The following USP15 variants were observed in gnomAD, a reference collection of about 807,000 sequenced individuals.
The protein encoded by USP15 is ubiquitin specific peptidase 15.
Under a neutral mutation model 127.1 loss-of-function variants are expected in USP15, and 18 were observed. That is an observed-to-expected ratio of 0.14 (90% confidence interval 0.10 to 0.21). The LOEUF (loss-of-function observed/expected upper bound fraction) is 0.21, where lower values mean the gene tolerates loss of function less well. Ranked by LOEUF, USP15 falls within the 10% of genes least tolerant of loss-of-function variation. The pLI is 1.00. For synonymous variants in USP15, 364 were observed against 393.7 expected (o/e 0.92, Z 0.89); for missense variants, 805 against 1,159.9 (o/e 0.69, Z 4.44).
At chr12:62,323,537 TA>T (rs2065044949) in intron 5 of USP15, among the ~76,000 whole-genome samples, 1 of 152,210 alleles carries the variant, frequency 6.6e-6, no homozygotes, top group Non-Finnish European at 1.5e-5. Context: ...GTATTACAGT[TA>T]AAAGGGAAAT....
intron 21 of USP15, among the ~76,000 whole-genome samples, chr12:62,403,986 C>A (rs775073513): frequency 1.3e-5 from 2 of 151,988 alleles, no homozygotes; most frequent in African/African-American, 2.4e-5. Context: ...AATTTAGAAG[C>A]ACATAAAAAT....
intron 2 of USP15, among the ~76,000 whole-genome samples, chr12:62,295,449 C>CA (rs2064101896): frequency 6.6e-6 from 1 of 152,118 alleles, no homozygotes; most frequent in South Asian, 2.1e-4. Context: ...TATAAGAATA[C>CA]AAAAATATCC....
intron 2 of USP15, among the ~76,000 whole-genome samples, chr12:62,299,487 A>G (rs1437745864): frequency 2.0e-5 from 3 of 152,204 alleles, no homozygotes; most frequent in Non-Finnish European, 4.4e-5. Context: ...ATGTTGTTGC[A>G]TGAATCAGTA....
chr12:62,366,504 A>C (rs560945685), intron 8 of USP15, among the ~76,000 whole-genome samples: 98 of 152,296 alleles, frequency 6.4e-4, no homozygotes, highest in Middle Eastern at 3.4e-3. Flanking sequence ...CAACAGAGAC[A>C]ATTTGACTTC....
chr12:62,278,091 T>G (rs1002769346), intron 1 of USP15, among the ~76,000 whole-genome samples: 1 of 152,190 alleles, frequency 6.6e-6, no homozygotes. Flanking sequence ...AAATTTTTTC[T>G]AATTAAAAAG....
chr12:62,399,048 T>C (rs2067590385), intron 20 of USP15, among the ~76,000 whole-genome samples: 1 of 152,230 alleles, frequency 6.6e-6, no homozygotes, highest in Admixed American at 6.5e-5. Context: ...GCTTTCTTTT[T>C]GGTATCATTT....
At chr12:62,368,574 G>T (rs2066556761) in intron 8 of USP15, among the ~76,000 whole-genome samples, 1 of 152,118 alleles carries the variant, frequency 6.6e-6, no homozygotes, top group Non-Finnish European at 1.5e-5. Context: ...GCCCTTCTTT[G>T]TCTCTTTTGA....
At chr12:62,270,113 T>A (rs1256640247) in intron 1 of USP15, among the ~76,000 whole-genome samples, 3 of 152,132 alleles carry the variant, frequency 2.0e-5, no homozygotes, top group Non-Finnish European at 2.9e-5. Context: ...GATTTGCATT[T>A]TCTTGATAGG....
chr12:62,329,620 A>T (rs974262739), intron 6 of USP15, among the ~76,000 whole-genome samples: 6 of 152,128 alleles, frequency 3.9e-5, no homozygotes, highest in South Asian at 2.1e-4. Context: ...AATAGCTTTT[A>T]AAAAAATAGG....
intron 3 of USP15, among the ~76,000 whole-genome samples, chr12:62,311,556 T>C (rs944756101): frequency 6.6e-6 from 1 of 151,662 alleles, no homozygotes; most frequent in Admixed American, 6.6e-5. Context: ...TATACAAAAA[T>C]AGATTGATGG....
chr12:62,332,483 T>C (rs2065333743), intron 6 of USP15, among the ~76,000 whole-genome samples: 1 of 152,146 alleles, frequency 6.6e-6, no homozygotes, highest in South Asian at 2.1e-4. Flanking sequence ...TAGTAAAATC[T>C]TGGATTTCTA....
intron 1 of USP15, chr12:62,277,496 T>A (rs192087844): frequency 2.6e-5 from 4 of 152,244 alleles, no homozygotes; most frequent in Admixed American, 2.6e-4. Flanking sequence ...AAGATTTTTT[T>A]AAATGGTACA....
intron 8 of USP15, among the ~76,000 whole-genome samples, chr12:62,355,786 C>T (rs2066105650): frequency 6.7e-6 from 1 of 150,070 alleles, no homozygotes; most frequent in South Asian, 2.1e-4. Flanking sequence ...TAATGAGTTC[C>T]CTCCATTATT....
At chr12:62,264,599 G>C (rs1282396063) in intron 1 of USP15, among the ~76,000 whole-genome samples, 1 of 152,164 alleles carries the variant, frequency 6.6e-6, no homozygotes, top group Non-Finnish European at 1.5e-5. Context: ...CAAAGAATCT[G>C]ATCAGTGAAG....
At chr12:62,288,637 C>T (rs991383453) in intron 1 of USP15, among the ~76,000 whole-genome samples, 8 of 151,984 alleles carry the variant, frequency 5.3e-5, no homozygotes, top group Non-Finnish European at 1.2e-4. Flanking sequence ...TATACTGAAT[C>T]GGAGTGTGTA....
At chr12:62,308,008 A>C (rs540940384) in intron 3 of USP15, among the ~76,000 whole-genome samples, 2 of 152,206 alleles carry the variant, frequency 1.3e-5, no homozygotes, top group African/African-American at 4.8e-5. Context: ...TTAATCTCTT[A>C]GTGTGCGTAA....
chr12:62,291,804 T>C (rs1000273882), intron 1 of USP15, among the ~76,000 whole-genome samples: 3 of 152,212 alleles, frequency 2.0e-5, no homozygotes, highest in African/African-American at 7.2e-5. Context: ...TTCTCAAACA[T>C]CAGGTGTGAT....
chr12:62,304,572 C>T (rs1437746614), intron 3 of USP15: 1 of 314,056 alleles, frequency 3.2e-6, no homozygotes, highest in East Asian at 7.8e-5. Context: ...TCTCTGATTG[C>T]ATTAAAGAAT....
intron 20 of USP15, among the ~76,000 whole-genome samples, chr12:62,400,102 A>G (rs953752173): frequency 1.3e-5 from 2 of 152,196 alleles, no homozygotes; most frequent in East Asian, 1.9e-4. Flanking sequence ...TTTAGAAACA[A>G]TGACCACATA....
Sources: gnomAD v4.1 joint callset for allele counts (sites outside exome capture counted in the v4.1 genomes callset) on GRCh38, gnomAD v4.1.1 for gene constraint, MANE v1.5 for transcripts, NCBI Gene and HGNC (gene_info 2026-07-23, HGNC 2026-07-21) for gene names.